The following CDH12 variants were observed in gnomAD, a reference collection of about 807,000 sequenced individuals.
CDH12 encodes cadherin-12.
CDH12 carries 41 observed loss-of-function variants against 74.1 expected under a neutral mutation model. The ratio of observed to expected loss-of-function variants is 0.55; its 90% CI spans 0.43 to 0.72. The LOEUF is 0.72. Among genes scored for constraint, CDH12 ranks in the 30% least tolerant of loss-of-function variants. The pLI is 0.00. For missense variants in CDH12, 945 were observed against 977.2 expected, an observed-to-expected ratio of 0.97 and a Z score of 0.44; for synonymous variants, 399 against 355.0, an observed-to-expected ratio of 1.12 and a Z score of -1.39.
At chr5:22,363,899 AC>A (rs1476683896) in intron 3 of CDH12, among the ~76,000 whole-genome samples, 2 of 152,212 alleles carry the variant, frequency 1.3e-5, no homozygotes, top group Admixed American at 6.5e-5. Context: ...TTTCTTAGTA[AC>A]GTGATATTCT....
intron 5 of CDH12, among the ~76,000 whole-genome samples, chr5:22,061,873 T>C (rs1741211093): frequency 6.6e-6 from 1 of 152,138 alleles, no homozygotes; most frequent in Non-Finnish European, 1.5e-5. Context: ...GACATGTGCA[T>C]AAGTGCTTTC....
At chr5:21,765,249 A>G (rs552676490) in intron 11 of CDH12, 150 bp from the exon 12 acceptor site, 3 of 560,108 alleles carry the variant, frequency 5.4e-6, no homozygotes, top group East Asian at 6.6e-5. Flanking sequence ...TTCCAACTAC[A>G]AGATGATAAA....
At chr5:22,011,105 C>T (rs1315620255) in intron 5 of CDH12, among the ~76,000 whole-genome samples, 1 of 152,104 alleles carries the variant, frequency 6.6e-6, no homozygotes, top group African/African-American at 2.4e-5. Context: ...TAACCATAAA[C>T]ATACTGCCAC....
chr5:22,073,222 G>C (rs1386392066), intron 5 of CDH12, among the ~76,000 whole-genome samples: 1 of 152,038 alleles, frequency 6.6e-6, no homozygotes, highest in Non-Finnish European at 1.5e-5. Flanking sequence ...TGAAACTAGG[G>C]TTTATATATG....
At chr5:22,737,608 T>G (rs1184100813) in intron 1 of CDH12, among the ~76,000 whole-genome samples, 3 of 151,938 alleles carry the variant, frequency 2.0e-5, no homozygotes, top group Non-Finnish European at 4.4e-5. Flanking sequence ...TGAGCTTCAG[T>G]GACTTAAAAG....
chr5:22,540,209 T>C (rs918535675), intron 1 of CDH12, among the ~76,000 whole-genome samples: 1 of 152,094 alleles, frequency 6.6e-6, no homozygotes, highest in Non-Finnish European at 1.5e-5. Flanking sequence ...GTCTCATCAG[T>C]ATGTCAGATA....
At chr5:22,842,161 T>A (rs1737108022) in intron 1 of CDH12, among the ~76,000 whole-genome samples, 1 of 152,160 alleles carries the variant, frequency 6.6e-6, no homozygotes, top group Non-Finnish European at 1.5e-5. Flanking sequence ...AATCAAATTC[T>A]GTTAGTCATG....
chr5:22,636,159 T>C (rs970733384), intron 1 of CDH12, among the ~76,000 whole-genome samples: 3 of 152,120 alleles, frequency 2.0e-5, no homozygotes, highest in South Asian at 2.1e-4. Flanking sequence ...CTCATTAAGA[T>C]GGCTATAATT....
At chr5:21,991,672 T>C (rs76330743) in intron 5 of CDH12, among the ~76,000 whole-genome samples, 26,377 of 151,162 alleles carry the variant, frequency 0.17, 2,685 homozygotes, top group African/African-American at 0.28. Context: ...CTATTTTTTG[T>C]AGCATCCATT....
intron 3 of CDH12, among the ~76,000 whole-genome samples, chr5:22,349,578 G>C (rs1159499842): frequency 6.6e-6 from 1 of 152,064 alleles, no homozygotes; most frequent in African/African-American, 2.4e-5. Flanking sequence ...TGGCATTCAA[G>C]GTATTTTCCA....
intron 3 of CDH12, among the ~76,000 whole-genome samples, chr5:22,278,685 C>T (rs755790613): frequency 6.6e-6 from 1 of 151,994 alleles, no homozygotes; most frequent in Non-Finnish European, 1.5e-5. Context: ...TAAATTCTTT[C>T]TAGCTTTGAT....
intron 4 of CDH12, among the ~76,000 whole-genome samples, chr5:22,186,347 A>T (rs1749945894): frequency 6.6e-6 from 1 of 152,248 alleles, no homozygotes; most frequent in African/African-American, 2.4e-5. Flanking sequence ...AAGCTCTGAA[A>T]TTAATATCTA....
intron 3 of CDH12, among the ~76,000 whole-genome samples, chr5:22,397,445 A>G (rs1742504063): frequency 6.6e-6 from 1 of 150,960 alleles, no homozygotes; most frequent in Admixed American, 6.6e-5. Flanking sequence ...ACTAATTGCA[A>G]TTGATTCCAG....
At chr5:22,167,240 C>G (rs981656297) in intron 4 of CDH12, among the ~76,000 whole-genome samples, 3 of 152,140 alleles carry the variant, frequency 2.0e-5, no homozygotes, top group African/African-American at 7.2e-5. Context: ...TGTTTATATT[C>G]TGAAGGATGC....
At chr5:22,581,186 C>G (rs1740082073) in intron 1 of CDH12, among the ~76,000 whole-genome samples, 1 of 152,216 alleles carries the variant, frequency 6.6e-6, no homozygotes, top group Non-Finnish European at 1.5e-5. Flanking sequence ...TTCACTGCAG[C>G]CCCTCCCATC....
Position 22,851,947 on chromosome 5 carries a change from C to T in CDH12, c.-523+1111G>A, listed in dbSNP as rs144971978. On this transcript the variant is annotated intron_variant, in intron 1 of 14. Coordinates refer to ENST00000382254, the MANE Select transcript of CDH12 (RefSeq NM_004061.5). ...TGGATATTATTTTATAACCTTACAA[C>T]TGCTCAGGTATACAGTGAAGATCAA... 9.7e-3 allele frequency among the ~76,000 whole-genome samples: 1,471 copies of T among 152,274 alleles called. 19 individuals carry two copies. Among genetic ancestry groups the T allele is most frequent in the African/African-American group, 0.033 (1,388 of 41,552 alleles).
intron 1 of CDH12, among the ~76,000 whole-genome samples, chr5:22,654,809 T>C (rs1056985805): frequency 3.1e-4 from 47 of 151,364 alleles, no homozygotes; most frequent in Non-Finnish European, 1.0e-4. Context: ...TTTTGTATTT[T>C]TAGTAGAGAT....
At chr5:22,319,846 G>A (rs1404040254) in intron 3 of CDH12, among the ~76,000 whole-genome samples, 1 of 151,750 alleles carries the variant, frequency 6.6e-6, no homozygotes, top group South Asian at 2.1e-4. Context: ...AAAGGGGAAG[G>A]AAGAGGAGGG....
intron 5 of CDH12, among the ~76,000 whole-genome samples, chr5:22,074,986 T>C (rs1742206137): frequency 6.6e-6 from 1 of 152,050 alleles, no homozygotes; most frequent in Non-Finnish European, 1.5e-5. Context: ...TTATAAAACA[T>C]GGTGCTATAA....
Sources: allele counts gnomAD v4.1 joint callset (sites outside exome capture counted in the v4.1 genomes callset), GRCh38; gene constraint gnomAD v4.1.1; transcripts MANE v1.5; gene names NCBI Gene and HGNC (gene_info 2026-07-23, HGNC 2026-07-21).